The following ACTN1 variants were observed in gnomAD, a reference collection of about 807,000 sequenced individuals.
The protein encoded by ACTN1 is actinin alpha 1.
In ACTN1, 30 loss-of-function variants were observed where a neutral mutation model predicts 119.6. The ratio of observed to expected loss-of-function variants is 0.25; its 90% CI spans 0.19 to 0.34. The LOEUF (loss-of-function observed/expected upper bound fraction) is 0.34. Ranked by LOEUF, ACTN1 falls within the 10% of genes least tolerant of loss-of-function variation. The probability of loss-of-function intolerance (pLI) is 1.00; values close to 1 mark genes in which losing one functional copy is unlikely to be tolerated. For missense variants in ACTN1, 764 were observed against 1,223.4 expected, an observed-to-expected ratio of 0.62 and a Z score of 5.60; for synonymous variants, 429 against 472.6, an observed-to-expected ratio of 0.91 and a Z score of 1.20.
At chr14:68,898,729 G>A (rs2033056845) in intron 8 of ACTN1, among the ~76,000 whole-genome samples, 1 of 152,048 alleles carries the variant, frequency 6.6e-6, no homozygotes, top group Admixed American at 6.5e-5. Context: ...GACATGAGAG[G>A]ACGACCACCA....
rs117627187 is a variant in ACTN1 at position 68,935,011 on chromosome 14, G to A, written c.106-9339C>T. Among the ~76,000 whole-genome samples, 863 of 152,242 alleles carry A rather than the reference G, an allele frequency of 5.7e-3. 9 individuals are homozygous for A. The highest frequency in any genetic ancestry group is 0.037 in the Middle Eastern group (11 of 294). ...TTTACAGTTGTCTGTAAATGTGGTT[G>A]GTTGTGGGCTTTGTTTTTGTTTTTT... On this transcript the variant is annotated intron_variant, in intron 1 of 21. Coordinates refer to ENST00000394419, the MANE Select transcript of ACTN1 (RefSeq NM_001130004.2).
intron 21 of ACTN1, 142 bp downstream of exon 21, chr14:68,876,937 GAGT>G (rs1341754301): frequency 9.7e-6 from 9 of 931,870 alleles, no homozygotes; most frequent in Non-Finnish European, 1.4e-5. Context: ...TTACAGAAAT[GAGT>G]AGAAGTGGCA....
At chr14:68,927,752 T>A (rs1244803796) in intron 1 of ACTN1, among the ~76,000 whole-genome samples, 1 of 152,242 alleles carries the variant, frequency 6.6e-6, no homozygotes, top group African/African-American at 2.4e-5. Flanking sequence ...TTAGCCTTTA[T>A]CCTTATTTTA....
intron 1 of ACTN1, among the ~76,000 whole-genome samples, chr14:68,946,577 C>T (rs1172068103): frequency 7.2e-5 from 11 of 152,260 alleles, no homozygotes; most frequent in Middle Eastern, 6.8e-3. Flanking sequence ...CAGCCCCTCC[C>T]GCTGGGTCCA....
chr14:68,892,494 C>G (rs1468612204), intron 9 of ACTN1, among the ~76,000 whole-genome samples: 5 of 152,156 alleles, frequency 3.3e-5, no homozygotes, highest in African/African-American at 1.2e-4. Flanking sequence ...AGCCTGGCTA[C>G]TAGGGTACAT....
chr14:68,876,498 T>A (rs1248168493), intron 21 of ACTN1, among the ~76,000 whole-genome samples: 1 of 151,826 alleles, frequency 6.6e-6, no homozygotes, highest in African/African-American at 2.4e-5. Context: ...CTGGGTAACA[T>A]CCAGGTCTAC....
In ACTN1 at chr14:68,874,928, G is replaced by A. The variant is rs2030683454; in HGVS notation, c.2676C>T (p.Pro892=). 5 of 1,611,996 alleles carry A rather than the reference G, an allele frequency of 3.1e-6. No homozygotes were observed. The highest frequency in any genetic ancestry group is 1.6e-4 in the Middle Eastern group (1 of 6,078). Residue 892 remains proline, a synonymous_variant, in exon 22 of 22, where the codon CCC becomes CCT. Coordinates refer to ENST00000394419, the MANE Select transcript of ACTN1 (RefSeq NM_001130004.2). ...CIARMAPYTG[P]DSVPGALDYM... is the part of the protein sequence containing the mutation. ...AGTCCAGAGCACCTGGCACGGAGTCGGGGCCGGTGTAGGGGGCCATCCGCG... is the reference window on the plus strand; with the variant it reads ...AGTCCAGAGCACCTGGCACGGAGTCAGGGCCGGTGTAGGGGGCCATCCGCG...
At position 68,909,853 on chromosome 14, in the gene ACTN1, C is replaced by G; in HGVS notation, c.515+102G>C. 1 of 954,652 alleles carries G rather than the reference C, an allele frequency of 1.0e-6. No homozygotes were observed. The allele number at this position is 954,652 out of a possible 1,614,324, so 59.1% of individuals were successfully genotyped here. On this transcript the variant is annotated intron_variant, in intron 5 of 21. Coordinates refer to ENST00000394419, the MANE Select transcript of ACTN1 (RefSeq NM_001130004.2). This position sits in a 1 kb window ranked among gnomAD's most constrained non-coding sequence, Gnocchi z 4.1. ...AAGCTACTTCTTCCCCCAGAGGTCT[C>G]CACTTTGTTCTAAAGCTGAGACTGA...
rs35512297 is a variant in ACTN1, at chr14:68,977,800, T to TCCCCC, written c.105+1147_105+1151dup. ...CTATCCAAAGGGACGCGCCATCCTG[T>TCCCCC]CCCCCCCCCACCCAAAACCCCATTC... On this transcript the variant is annotated intron_variant, in intron 1 of 21. Coordinates refer to ENST00000394419, the MANE Select transcript of ACTN1 (RefSeq NM_001130004.2). 6.7e-4 allele frequency: 231 copies of TCCCCC among 345,946 alleles called. 1 individual carries two copies. The highest frequency in any genetic ancestry group is 2.5e-3 in the South Asian group (121 of 47,554). The allele number at this position is 345,946 out of a possible 1,614,324, so 21.4% of individuals were successfully genotyped here.
At chr14:68,894,048 T>C (rs1013578625) in intron 8 of ACTN1, among the ~76,000 whole-genome samples, 3 of 152,034 alleles carry the variant, frequency 2.0e-5, no homozygotes. Context: ...CAATGACTGA[T>C]ATAATCAAAA....
In ACTN1 at chr14:68,877,127, T is replaced by C; in HGVS notation, c.2541A>G (p.Thr847=). 1 of 1,614,184 alleles carries C rather than the reference T, an allele frequency of 6.2e-7. No individual in the cohort carries two copies. Among genetic ancestry groups the C allele is most frequent in the Non-Finnish European group, 8.5e-7 (1 of 1,180,020 alleles). The change falls in exon 21 of 22, where the codon ACA becomes ACG. Residue 847 remains threonine, a synonymous_variant. Coordinates refer to ENST00000394419, the MANE Select transcript of ACTN1 (RefSeq NM_001130004.2). ...FMSRETADTD[T]ADQVMASFKI... is the part of the protein sequence containing the mutation. ...TGAAGGAAGCCATGACTTGGTCTGC[T>C]GTATCTGTGTCGGCTGTCTCGCGGG...
At chr14:68,889,896 T>C (rs1039724210) in intron 11 of ACTN1, among the ~76,000 whole-genome samples, 3 of 152,356 alleles carry the variant, frequency 2.0e-5, no homozygotes, top group Admixed American at 6.5e-5. Flanking sequence ...TCCTCAGAAC[T>C]TCGTTATGTA....
At chr14:68,875,129 T>G in intron 21 of ACTN1, 112 bp from the exon 22 acceptor site, 1 of 1,549,086 alleles carries the variant, frequency 6.5e-7, no homozygotes, top group South Asian at 1.2e-5. Flanking sequence ...CCGTTTGCAT[T>G]TTGCCTCCCT....
At chr14:68,898,814 G>GT (rs2033064725) in intron 8 of ACTN1, among the ~76,000 whole-genome samples, 1 of 151,926 alleles carries the variant, frequency 6.6e-6, no homozygotes, top group African/African-American at 2.4e-5. Context: ...ACAGGGATGA[G>GT]TGAAAGGGAA....
intron 1 of ACTN1, among the ~76,000 whole-genome samples, chr14:68,944,543 A>C (rs755569225): frequency 2.0e-5 from 3 of 152,232 alleles, no homozygotes; most frequent in Non-Finnish European, 2.9e-5. Flanking sequence ...CTAATGGAGA[A>C]GACAAACAAT....
intron 1 of ACTN1, among the ~76,000 whole-genome samples, chr14:68,954,431 G>C (rs1241297117): frequency 1.3e-5 from 2 of 152,100 alleles, no homozygotes; most frequent in Non-Finnish European, 2.9e-5. Flanking sequence ...AGTTTCAAGA[G>C]GTTCTCCTGC....
chr14:68,889,363 T>A (rs117952285), intron 11 of ACTN1, among the ~76,000 whole-genome samples: 3,711 of 152,306 alleles, frequency 0.024, 79 homozygotes, highest in South Asian at 0.056. Context: ...CAATGTACTA[T>A]AATATTTAAG....
intron 8 of ACTN1, among the ~76,000 whole-genome samples, chr14:68,900,649 C>A (rs2033249046): frequency 6.6e-6 from 1 of 152,058 alleles, no homozygotes; most frequent in Non-Finnish European, 1.5e-5. Flanking sequence ...ATGCCCAGGG[C>A]ATAGGGACAG....
Position 68,882,509 on chromosome 14 carries a change from C to T in ACTN1, c.1902G>A (p.Gln634=). The T allele has an allele frequency of 6.2e-7, 1 of 1,614,194 alleles. No individual in the cohort carries two copies. Among genetic ancestry groups the T allele is most frequent in the African/African-American group, 1.3e-5 (1 of 75,058 alleles). The change falls in exon 16 of 22, where the codon CAG becomes CAA. Residue 634 remains glutamine (Q), a synonymous_variant. Coordinates refer to ENST00000394419, the MANE Select transcript of ACTN1 (RefSeq NM_001130004.2). The surrounding 1 kb of genome is among the most constrained non-coding windows in gnomAD (Gnocchi z 4.5). ...CGATGACATTGGCCTGGGCTCCAAA[C>T]TGCTTGCGTAGCCTCTCATTGTGCT... The part of the protein sequence containing the change: ...RQQHNERLRK[Q]FGAQANVIGP...
Sources: gnomAD v4.1 joint callset for allele counts (sites outside exome capture counted in the v4.1 genomes callset) on GRCh38, gnomAD v4.1.1 for gene constraint, Gnocchi (gnomAD v3.1) non-coding constraint, MANE v1.5 for transcripts, NCBI Gene and HGNC (gene_info 2026-07-23, HGNC 2026-07-21) for gene names.